The following CDADC1 variants were observed in gnomAD, a reference collection of about 807,000 sequenced individuals.
CDADC1 encodes the protein cytidine and dCMP deaminase domain containing 1.
CDADC1 carries 39 observed loss-of-function variants against 54.9 expected under a neutral mutation model. That is an observed-to-expected ratio of 0.71 (90% CI 0.55 to 0.93). The LOEUF (loss-of-function observed/expected upper bound fraction) is 0.93. CDADC1 is among the 40% of genes least tolerant of loss of function. CDADC1 has a pLI of 0.00. For synonymous variants in CDADC1, 186 were observed against 204.0 expected (o/e 0.91, Z 0.75); for missense variants, 518 against 618.8 (o/e 0.84, Z 1.73).
chr13:49,249,211 T>C (rs1952367544), intron 2 of CDADC1, among the ~76,000 whole-genome samples: 1 of 152,244 alleles, frequency 6.6e-6, no homozygotes, highest in South Asian at 2.1e-4. Context: ...GTTCGGCTAA[T>C]AAGATTATTG....
rs183891894 is a variant in CDADC1 at position 49,249,393 on chromosome 13, T to C, written c.177+428T>C. ...TATATGAGTGCTAATTGATTAATGT[T>C]GGATGGAAGTAGTCTCTTTTTGGAT... On this transcript the variant is annotated intron_variant, in intron 2 of 9. Transcript: ENST00000251108. Among the ~76,000 whole-genome samples, 26 of 152,350 alleles carry C rather than the reference T, an allele frequency of 1.7e-4. No individual in the cohort carries two copies. In the East Asian group the frequency reaches 4.6e-3, roughly 27 times the overall value.
chr13:49,273,085 G>A (rs1316057723), intron 5 of CDADC1, among the ~76,000 whole-genome samples: 1 of 152,138 alleles, frequency 6.6e-6, no homozygotes, highest in African/African-American at 2.4e-5. Context: ...TGAAAACCAG[G>A]GTTTGCTTGA....
chr13:49,259,515 T>C lies in CDADC1; in HGVS notation c.422T>C (p.Ile141Thr). The C allele has an allele frequency of 6.2e-7, 1 of 1,613,764 alleles. No homozygotes were observed. The highest frequency in any genetic ancestry group is 8.5e-7 in the Non-Finnish European group (1 of 1,179,750). The change falls in exon 4 of 10, where the codon ATT becomes ACT. Residue 141 changes from isoleucine to threonine, a missense_variant. By Grantham distance (89) the Ile-to-Thr change is moderately conservative (BLOSUM62 -1). Transcript: ENST00000251108. ...RKPCSACLKM[I>T]VNAGVNRISY... ...CCATGTTCTGCTTGTTTGAAAATGA[T>C]TGTAAATGGTAAGTGCAGAAAAGGG...
rs74773703 is a variant in CDADC1, at chr13:49,255,598, A to T, written c.178-241A>T. 2.9e-3 allele frequency among the ~76,000 whole-genome samples: 439 copies of T among 152,282 alleles called. 9 individuals carry two copies. The East Asian group carries it at 0.047, about 16-fold the overall frequency. The stretch of plus-strand genomic sequence containing the variant: ...ATAAACTTCAGAATTTTATTTTCTC[A>T]TTACAATTTCCAATCCTTCTATGTT... On this transcript the variant is annotated intron_variant, in intron 2 of 9. Coordinates refer to ENST00000251108, the MANE Select transcript of CDADC1 (RefSeq NM_030911.4).
At chr13:49,285,172 T>A (rs1406718884) in intron 8 of CDADC1, among the ~76,000 whole-genome samples, 1 of 138,568 alleles carries the variant, frequency 7.2e-6, no homozygotes, top group Non-Finnish European at 1.5e-5. Context: ...TTCTTTTTTT[T>A]TTCTTTTTTC....
chr13:49,259,510 A>T lies in CDADC1; in HGVS notation c.417A>T (p.Lys139Asn), dbSNP rs1168055768. 1.2e-6 allele frequency: 2 copies of T among 1,613,796 alleles called. No homozygotes were observed. The highest frequency in any genetic ancestry group is 1.7e-6 in the Non-Finnish European group (2 of 1,179,768). The change falls in exon 4 of 10, where the codon AAA (lysine) becomes AAT (asparagine). Residue 139 changes from lysine (K) to asparagine (N), a missense_variant. Transcript: ENST00000251108. ...FSRKPCSACL[K>N]MIVNAGVNRI... is the part of the protein sequence containing the mutation. The stretch of plus-strand genomic sequence containing the variant: ...GAAAACCATGTTCTGCTTGTTTGAA[A>T]ATGATTGTAAATGGTAAGTGCAGAA...
At chr13:49,249,588 G>A (rs1437725785) in intron 2 of CDADC1, among the ~76,000 whole-genome samples, 4 of 152,088 alleles carry the variant, frequency 2.6e-5, no homozygotes, top group Non-Finnish European at 4.4e-5. Flanking sequence ...ACAAAAATTA[G>A]CCAGGAGTGG....
chr13:49,290,191 G>A (rs576657707), intron 9 of CDADC1, among the ~76,000 whole-genome samples: 21 of 152,104 alleles, frequency 1.4e-4, no homozygotes, highest in African/African-American at 5.1e-4. Context: ...GATGGGACGA[G>A]AGAGGGAGCG....
At chr13:49,263,639 A>G (rs1263489322) in intron 4 of CDADC1, among the ~76,000 whole-genome samples, 1 of 152,194 alleles carries the variant, frequency 6.6e-6, no homozygotes, top group African/African-American at 2.4e-5. Flanking sequence ...TTTCAACCAC[A>G]TATCTATATG....
chr13:49,264,349 C>G (rs1566359937), intron 4 of CDADC1, among the ~76,000 whole-genome samples: 1 of 152,052 alleles, frequency 6.6e-6, no homozygotes, highest in Admixed American at 6.6e-5. Flanking sequence ...TTTCTCTTAA[C>G]TCTATAAACA....
At chr13:49,262,410 T>C (rs146709847) in intron 4 of CDADC1, among the ~76,000 whole-genome samples, 157 of 152,244 alleles carry the variant, frequency 1.0e-3, no homozygotes, top group African/African-American at 3.6e-3. Flanking sequence ...GCCTCACCAA[T>C]GCACTCCAGC....
rs750881234 is a variant in CDADC1, at chr13:49,255,867, T to TA, written c.207dup (p.Gly70ArgfsTer3). The TA allele has an allele frequency of 9.3e-6, 15 of 1,611,300 alleles. No homozygotes were observed. Among genetic ancestry groups the TA allele is most frequent in the Non-Finnish European group, 3.4e-6 (4 of 1,179,202 alleles). ...AATGAAGAGGGAAAGCATGGACCCT[T>TA]AGGAGATAATGAAGAGAGGACCAGA... is the stretch of plus-strand genomic sequence containing the variant. On this transcript the variant is annotated frameshift_variant, in exon 3 of 10. Coordinates refer to ENST00000251108, the MANE Select transcript of CDADC1 (RefSeq NM_030911.4). LOFTEE classifies it high-confidence loss of function.
At chr13:49,286,841 T>G (rs917574747) in intron 9 of CDADC1, among the ~76,000 whole-genome samples, 1 of 152,242 alleles carries the variant, frequency 6.6e-6, no homozygotes, top group African/African-American at 2.4e-5. Flanking sequence ...TGAGAAGTCT[T>G]ACAATTCTTT....
intron 2 of CDADC1, among the ~76,000 whole-genome samples, chr13:49,251,575 A>C (rs564543537): frequency 2.6e-5 from 4 of 151,994 alleles, no homozygotes; most frequent in Non-Finnish European, 4.4e-5. Flanking sequence ...CAACAGGCAC[A>C]AGTTGTATTT....
chr13:49,268,036 C>T lies in CDADC1; in HGVS notation c.977C>T (p.Ala326Val). The T allele has an allele frequency of 6.2e-7, 1 of 1,612,108 alleles. No individual in the cohort carries two copies. Among genetic ancestry groups the T allele is most frequent in the Non-Finnish European group, 8.5e-7 (1 of 1,179,536 alleles). Residue 326 changes from alanine to valine, a missense_variant, in exon 5 of 10, where the codon GCC becomes GTC. Physicochemically the swap from Ala to Val is moderately conservative, Grantham distance 64 (BLOSUM62 0). Coordinates refer to ENST00000251108, the MANE Select transcript of CDADC1 (RefSeq NM_030911.4). ...ATTGCAAGGCACTGCATGGTTCAGG[C>T]CAGGTTATTGGCATATCGAACTGGT... ...QEIARHCMVQ[A>V]RLLAYRTEDH...
chr13:49,278,431 T>A lies in CDADC1; in HGVS notation c.1132T>A (p.Phe378Ile). 1 of 1,605,846 alleles carries A rather than the reference T, an allele frequency of 6.2e-7. No homozygotes were observed. Among genetic ancestry groups the A allele is most frequent in the Non-Finnish European group, 8.5e-7 (1 of 1,173,838 alleles). ...TCCTGTTGGATCTGAGTATGCTGAC[T>A]TCCCACACATGGATGACAAGCAGAA... is the stretch of plus-strand genomic sequence containing the variant. ...AFPVGSEYAD[F>I]PHMDDKQKDR... The change falls in exon 7 of 10, where the codon TTC (phenylalanine) becomes ATC (isoleucine). Residue 378 changes from phenylalanine to isoleucine, a missense_variant. Coordinates refer to ENST00000251108, the MANE Select transcript of CDADC1 (RefSeq NM_030911.4).
In CDADC1 at chr13:49,248,052, G is replaced by A. The variant is rs760321095; in HGVS notation, c.15G>A (p.Gly5=). The change falls in exon 1 of 10, where the codon GGG becomes GGA. Residue 5 remains glycine (G), a synonymous_variant. Transcript: ENST00000251108. ...CTAGGTTTGGGATGAAAGAAGCTGG[G>A]CAGATGCAAAATCTGGAGAGCGCGA... MKEA[G]QMQNLESARA... is the part of the protein sequence containing the mutation. 6.4e-7 allele frequency: 1 copy of A among 1,553,508 alleles called. No individual in the cohort carries two copies. Among genetic ancestry groups the A allele is most frequent in the South Asian group, 1.2e-5 (1 of 84,130 alleles).
intron 8 of CDADC1, among the ~76,000 whole-genome samples, chr13:49,281,834 C>T (rs1028803846): frequency 3.3e-5 from 5 of 152,200 alleles, no homozygotes; most frequent in Admixed American, 3.3e-4. Flanking sequence ...CACTCATTGC[C>T]CAGGCTGGAG....
At chr13:49,280,829 T>TATTATTA (rs1372111910) in intron 8 of CDADC1, 131 bp downstream of exon 8, 1 of 211,894 alleles carries the variant, frequency 4.7e-6, no homozygotes, top group African/African-American at 2.4e-5. Context: ...TTATTATTAT[T>TATTATTA]ATTATTTTAT....
Sources: allele counts gnomAD v4.1 joint callset (sites outside exome capture counted in the v4.1 genomes callset), GRCh38; gene constraint gnomAD v4.1.1; transcripts MANE v1.5; gene names NCBI Gene and HGNC (gene_info 2026-07-23, HGNC 2026-07-21).